Variants in DGKE observed in about 807,000 individuals in gnomAD.
DGKE encodes diacylglycerol kinase epsilon.
DGKE carries 53 observed loss-of-function variants against 70.0 expected under a neutral mutation model. The observed-to-expected ratio is 0.76, with a 90% CI of 0.61 to 0.95. The LOEUF (loss-of-function observed/expected upper bound fraction) is 0.95. Among genes scored for constraint, DGKE ranks in the 40% least tolerant of loss-of-function variants. The pLI is 0.00. For missense variants in DGKE, 655 were observed against 706.9 expected (o/e 0.93, Z 0.83); for synonymous variants, 291 against 257.0 (o/e 1.13, Z -1.27).
chr17:56,834,697 G>C, intron 1 of DGKE, 81 bp from the exon 2 acceptor site: 1 of 1,361,080 alleles, frequency 7.3e-7, no homozygotes, highest in Non-Finnish European at 1.0e-6. Context: ...GAGGGCGCCC[G>C]GTTTGGCCCC....
intron 5 of DGKE, 98 bp downstream of exon 5, chr17:56,848,163 G>GT: frequency 8.2e-6 from 7 of 855,088 alleles, no homozygotes; most frequent in African/African-American, 7.2e-5. Context: ...TGTTGTTGTT[G>GT]TTGTTTTTTC....
At chr17:56,837,029 T>C (rs914054800) in intron 2 of DGKE, among the ~76,000 whole-genome samples, 1 of 152,116 alleles carries the variant, frequency 6.6e-6, no homozygotes, top group Non-Finnish European at 1.5e-5. Context: ...TAACGTAATA[T>C]CCTATATCTC....
At chr17:56,848,094 G>T in intron 5 of DGKE, 29 bp downstream of exon 5, 1 of 1,409,712 alleles carries the variant, frequency 7.1e-7, no homozygotes, top group Admixed American at 2.6e-5. Context: ...TACTACAGAA[G>T]GACTTCTAAG....
chr17:56,845,445 G>A (rs753036916), intron 3 of DGKE, among the ~76,000 whole-genome samples: 5 of 152,136 alleles, frequency 3.3e-5, no homozygotes, highest in African/African-American at 9.6e-5. Context: ...GTGAGTGTGC[G>A]AGCATATGCT....
At chr17:56,834,649 C>G in intron 1 of DGKE, 129 bp from the exon 2 acceptor site, 1 of 863,348 alleles carries the variant, frequency 1.2e-6, no homozygotes, top group East Asian at 2.5e-5. Context: ...GGGGACGAGG[C>G]GCAGTCCCGC....
In DGKE at chr17:56,834,823, G is replaced by A. The variant is rs555438585; in HGVS notation, c.28G>A (p.Gly10Ser). The A allele has an allele frequency of 1.7e-5, 28 of 1,606,936 alleles. No individual in the cohort carries two copies. The East Asian group carries it at 3.6e-4, about 21-fold the overall frequency. Reference sequence around the variant, plus strand: ...GGAAGCGGAGAGGCGGCCGGCGCCGGGCTCGCCCTCCGAGGGCCTGTTTGC... The same window carrying A: ...GGAAGCGGAGAGGCGGCCGGCGCCGAGCTCGCCCTCCGAGGGCCTGTTTGC... MEAERRPAP[G>S]SPSEGLFADG... The change falls in exon 2 of 12, where the codon GGC (glycine) becomes AGC (serine). Residue 10 changes from glycine (G) to serine (S), a missense_variant. Gly to Ser is a moderately conservative substitution (Grantham distance 56). Transcript: ENST00000284061.
Position 56,845,778 on chromosome 17 carries a change from G to A in DGKE, c.713G>A (p.Gly238Glu), listed in dbSNP as rs201154049. 4.8e-4 allele frequency: 776 copies of A among 1,609,400 alleles called. 1 individual carries two copies. The highest frequency in any genetic ancestry group is 9.3e-4 in the South Asian group (84 of 90,326). The part of the protein sequence containing the change: ...SGTNMGEGLL[G>E]EFRILLNPVQ... ...ACTAATATGGGAGAAGGACTGTTGGGAGAATTTAGGATCTTGTTGAATCCA... is the reference window on the plus strand; with the variant it reads ...ACTAATATGGGAGAAGGACTGTTGGAAGAATTTAGGATCTTGTTGAATCCA... Residue 238 changes from glycine to glutamate, a missense_variant, in exon 4 of 12, where the codon GGA becomes GAA. By Grantham distance (98) the Gly-to-Glu change is moderately conservative. Coordinates refer to ENST00000284061, the MANE Select transcript of DGKE (RefSeq NM_003647.3).
chr17:56,837,455 A>T (rs1318684536), intron 2 of DGKE, among the ~76,000 whole-genome samples: 4 of 152,232 alleles, frequency 2.6e-5, no homozygotes, highest in Non-Finnish European at 5.9e-5. Context: ...ATTTTTACAG[A>T]GTAACCCCTT....
At chr17:56,843,797 CAAAAAAAAA>C (rs368992473) in intron 2 of DGKE, among the ~76,000 whole-genome samples, 1 of 109,394 alleles carries the variant, frequency 9.1e-6, no homozygotes, top group Non-Finnish European at 1.8e-5. Context: ...GACCCTGTCT[CAAAAAAAAA>C]AAAAAAAAGT....
At chr17:56,841,956 A>C (rs1907009104) in intron 2 of DGKE, among the ~76,000 whole-genome samples, 2 of 152,166 alleles carry the variant, frequency 1.3e-5, no homozygotes, top group African/African-American at 4.8e-5. Flanking sequence ...TACCACGCCA[A>C]GCTAATTTTT....
Position 56,846,449 on chromosome 17 carries a change from T to C in DGKE, c.744+640T>C, listed in dbSNP as rs970582963. ...TGCGAATGGACATTGAGGGATCTTA[T>C]TGAAGCAACAAAAATGTTCTAAACT... On this transcript the variant is annotated intron_variant, in intron 4 of 11. Coordinates refer to ENST00000284061, the MANE Select transcript of DGKE (RefSeq NM_003647.3). 7 of 152,314 alleles carry C rather than the reference T, an allele frequency of 4.6e-5. 1 individual carries two copies. The South Asian group carries it at 1.0e-3, about 23-fold the overall frequency. 9.4% of individuals were successfully genotyped at this position (152,314 alleles called of 1,614,324 possible).
intron 8 of DGKE, among the ~76,000 whole-genome samples, chr17:56,857,038 C>T (rs1567821712): frequency 6.6e-6 from 1 of 152,100 alleles, no homozygotes; most frequent in African/African-American, 2.4e-5. Context: ...GCAAAAGTTG[C>T]AGTGAGCCGA....
intron 2 of DGKE, among the ~76,000 whole-genome samples, chr17:56,842,737 C>T (rs1308785298): frequency 1.3e-5 from 2 of 152,146 alleles, no homozygotes; most frequent in East Asian, 3.8e-4. Flanking sequence ...GAATGTTTAT[C>T]CTCTTTTCTT....
chr17:56,838,267 T>G (rs1906753694), intron 2 of DGKE, among the ~76,000 whole-genome samples: 1 of 152,224 alleles, frequency 6.6e-6, no homozygotes, highest in African/African-American at 2.4e-5. Context: ...GATCATAAAT[T>G]TTGTTTCTAT....
At chr17:56,838,882 T>C (rs1197869907) in intron 2 of DGKE, 2 of 152,124 alleles carry the variant, frequency 1.3e-5, no homozygotes, top group African/African-American at 4.8e-5. Flanking sequence ...GGAAAAAACA[T>C]CATGAATTCT....
chr17:56,856,475 A>G lies in DGKE; in HGVS notation c.1099-37A>G, dbSNP rs776480243. On this transcript the variant is annotated intron_variant, in intron 7 of 11. Transcript: ENST00000284061. ...TAATTATGACTCAAGCTTAGGTGGA[A>G]CCATAGTCTGTTGCTTATTCTTACC... The G allele has an allele frequency of 6.3e-6, 10 of 1,589,944 alleles. No individual in the cohort carries two copies. The South Asian group carries it at 1.0e-4, about 16-fold the overall frequency.
chr17:56,841,994 G>A lies in DGKE; in HGVS notation c.465-2025G>A, dbSNP rs115382235. ...TCATTTTTCTTGTTTTTTGGGACAG[G>A]GTCAGATAAATTATACGATATTGAC... On this transcript the variant is annotated intron_variant, in intron 2 of 11. Coordinates refer to ENST00000284061, the MANE Select transcript of DGKE (RefSeq NM_003647.3). 9.1e-3 allele frequency among the ~76,000 whole-genome samples: 1,386 copies of A among 151,620 alleles called. 17 individuals are homozygous for A. Among genetic ancestry groups the A allele is most frequent in the African/African-American group, 0.022 (896 of 41,378 alleles).
intron 5 of DGKE, 129 bp downstream of exon 5, chr17:56,848,194 G>A (rs760934853): frequency 1.2e-4 from 68 of 556,520 alleles, no homozygotes; most frequent in Non-Finnish European, 1.4e-4. Flanking sequence ...GTCTCGCACT[G>A]TCACCCAGGC....
rs61751970 is a variant in DGKE, at chr17:56,847,975, T to A, written c.798T>A (p.Leu266=). The A allele has an allele frequency of 5.0e-3, 8,031 of 1,608,562 alleles. 310 individuals are homozygous for A. In the East Asian group the frequency reaches 0.1, roughly 20 times the overall value. ...TCAAAGCCCTACAACTCTGTACTCT[T>A]CTCCCATATTATTCAGCTCGAGTAC... ...PPIKALQLCT[L]LPYYSARVLV... Residue 266 remains leucine (L), a synonymous_variant, in exon 5 of 12, where the codon CTT becomes CTA. Transcript: ENST00000284061.
Sources: gnomAD v4.1 joint callset for allele counts (sites outside exome capture counted in the v4.1 genomes callset) on GRCh38, gnomAD v4.1.1 for gene constraint, MANE v1.5 for transcripts, NCBI Gene and HGNC (gene_info 2026-07-23, HGNC 2026-07-21) for gene names.